The following ARHGEF28 variants were observed in gnomAD, a reference collection of about 807,000 sequenced individuals.
The protein encoded by ARHGEF28 is Rho guanine nucleotide exchange factor 28, also known as 190 kDa guanine nucleotide exchange factor.
Under a neutral mutation model 206.6 loss-of-function variants are expected in ARHGEF28, and 152 were observed. That is an observed-to-expected ratio of 0.74 (90% CI 0.64 to 0.84). ARHGEF28 has a LOEUF of 0.84. ARHGEF28 is among the 40% of genes least tolerant of loss of function. The pLI is 0.00. For synonymous variants in ARHGEF28, 763 were observed against 776.4 expected (o/e 0.98, Z 0.29); for missense variants, 2,028 against 2,073.2 (o/e 0.98, Z 0.42).
At chr5:73,917,245 T>G (rs892766953) in intron 35 of ARHGEF28, among the ~76,000 whole-genome samples, 1 of 152,196 alleles carries the variant, frequency 6.6e-6, no homozygotes, top group Non-Finnish European at 1.5e-5. Flanking sequence ...GAGATATATA[T>G]AGGAGTCTGA....
chr5:73,637,591 A>G (rs1743806488), intron 1 of ARHGEF28, among the ~76,000 whole-genome samples: 2 of 152,242 alleles, frequency 1.3e-5, no homozygotes, highest in South Asian at 4.1e-4. Flanking sequence ...TGCTGAGTGT[A>G]GGGGCTCTAA....
At chr5:73,704,703 G>A (rs1490740990) in intron 2 of ARHGEF28, among the ~76,000 whole-genome samples, 2 of 152,138 alleles carry the variant, frequency 1.3e-5, no homozygotes, top group South Asian at 2.1e-4. Context: ...GGGATTACAG[G>A]CATGAGCCAC....
At chr5:73,762,306 A>G (rs1315590367) in intron 4 of ARHGEF28, among the ~76,000 whole-genome samples, 1 of 151,882 alleles carries the variant, frequency 6.6e-6, no homozygotes, top group African/African-American at 2.4e-5. Context: ...AAATACAAAA[A>G]TTAGCCAGGC....
At chr5:73,784,979 A>G (rs147737273) in intron 7 of ARHGEF28, among the ~76,000 whole-genome samples, 1 of 152,338 alleles carries the variant, frequency 6.6e-6, no homozygotes, top group African/African-American at 2.4e-5. Flanking sequence ...TAGGCAGCAT[A>G]AGGACACTGG....
At chr5:73,780,642 C>A (rs1753791483) in intron 6 of ARHGEF28, 34 bp from the exon 7 acceptor site, 3 of 1,515,694 alleles carry the variant, frequency 2.0e-6, no homozygotes, top group Non-Finnish European at 2.7e-6. Flanking sequence ...GTTTTCTGTG[C>A]TTTTTTGTTT....
chr5:73,673,472 T>A (rs867943638), intron 1 of ARHGEF28, among the ~76,000 whole-genome samples: 2 of 152,186 alleles, frequency 1.3e-5, no homozygotes, highest in South Asian at 4.1e-4. Context: ...TACATTTATT[T>A]GGTACAATGT....
At chr5:73,775,111 T>C (rs923951664) in intron 5 of ARHGEF28, among the ~76,000 whole-genome samples, 2 of 152,196 alleles carry the variant, frequency 1.3e-5, no homozygotes, top group African/African-American at 2.4e-5. Flanking sequence ...ATGACCCCAC[T>C]TCCTTGGCTA....
At chr5:73,634,639 T>C (rs1743583367) in intron 1 of ARHGEF28, among the ~76,000 whole-genome samples, 1 of 152,206 alleles carries the variant, frequency 6.6e-6, no homozygotes, top group Non-Finnish European at 1.5e-5. Context: ...TCCTGATGGA[T>C]TATGGTTAGG....
At chr5:73,940,814 C>T (rs1350947518) in intron 35 of ARHGEF28, 30 bp from the exon 36 acceptor site, 1 of 1,437,450 alleles carries the variant, frequency 7.0e-7, no homozygotes. Context: ...CAGGTGGCCT[C>T]CTGTAACCTG....
At chr5:73,899,140 A>C (rs976145870) in intron 30 of ARHGEF28, 5 of 151,876 alleles carry the variant, frequency 3.3e-5, no homozygotes, top group Non-Finnish European at 5.9e-5. Context: ...TTCTAGTTTC[A>C]GAATGCGCAC....
intron 4 of ARHGEF28, among the ~76,000 whole-genome samples, chr5:73,762,074 C>T (rs539759107): frequency 6.6e-6 from 1 of 151,376 alleles, no homozygotes; most frequent in East Asian, 2.0e-4. Context: ...CTCAAACGAT[C>T]CTCCTACCTC....
intron 1 of ARHGEF28, among the ~76,000 whole-genome samples, chr5:73,676,898 A>G (rs1251481878): frequency 6.6e-6 from 1 of 152,214 alleles, no homozygotes; most frequent in African/African-American, 2.4e-5. Context: ...TTATCAAGTA[A>G]AATTCTCATC....
At chr5:73,836,664 G>A (rs1427207184) in intron 10 of ARHGEF28, among the ~76,000 whole-genome samples, 1 of 151,982 alleles carries the variant, frequency 6.6e-6, no homozygotes, top group African/African-American at 2.4e-5. Flanking sequence ...TTTTGGTTTG[G>A]TGTAGTCACA....
intron 1 of ARHGEF28, among the ~76,000 whole-genome samples, chr5:73,683,757 C>T (rs1747259998): frequency 6.6e-6 from 1 of 152,098 alleles, no homozygotes. Flanking sequence ...GGCAATAGAA[C>T]TATCTTGTCA....
At chr5:73,733,618 C>T (rs1750733419) in intron 2 of ARHGEF28, among the ~76,000 whole-genome samples, 1 of 152,140 alleles carries the variant, frequency 6.6e-6, no homozygotes, top group African/African-American at 2.4e-5. Context: ...TAAAACCCAC[C>T]TGTACCCCGA....
intron 4 of ARHGEF28, among the ~76,000 whole-genome samples, chr5:73,761,966 G>T (rs1455441995): frequency 6.6e-6 from 1 of 151,086 alleles, no homozygotes; most frequent in East Asian, 1.9e-4. Context: ...TAGTAACTGG[G>T]ACTATAGGTG....
intron 3 of ARHGEF28, 62 bp from the exon 4 acceptor site, chr5:73,752,847 G>A: frequency 6.3e-7 from 1 of 1,578,590 alleles, no homozygotes; most frequent in Non-Finnish European, 8.6e-7. Flanking sequence ...CTAGCACATT[G>A]GACCCCTGTG....
chr5:73,648,779 C>T, intron 1 of ARHGEF28, among the ~76,000 whole-genome samples: 1 of 152,106 alleles, frequency 6.6e-6, no homozygotes, highest in African/African-American at 2.4e-5. Flanking sequence ...AATAGGACTG[C>T]ACCTCTTCCT....
At chr5:73,742,794 G>A (rs1344996120) in intron 2 of ARHGEF28, among the ~76,000 whole-genome samples, 1 of 143,258 alleles carries the variant, frequency 7.0e-6, no homozygotes, top group Admixed American at 7.1e-5. Flanking sequence ...ACTGCAGTCC[G>A]CAGTCCGGCC....
Sources: gnomAD v4.1 joint callset for allele counts (sites outside exome capture counted in the v4.1 genomes callset) on GRCh38, gnomAD v4.1.1 for gene constraint, MANE v1.5 for transcripts, NCBI Gene and HGNC (gene_info 2026-07-23, HGNC 2026-07-21) for gene names.